Variants in HUWE1 observed in about 807,000 individuals in gnomAD.
The protein encoded by HUWE1 is HECT, UBA and WWE domain containing E3 ubiquitin protein ligase 1.
HUWE1 carries 18 observed loss-of-function variants against 299.4 expected under a neutral mutation model. The ratio of observed to expected loss-of-function variants is 0.06; its 90% confidence interval spans 0.04 to 0.09. The LOEUF (loss-of-function observed/expected upper bound fraction) is 0.09, where lower values mean the gene tolerates loss of function less well. Among genes scored for constraint, HUWE1 ranks in the 10% least tolerant of loss-of-function variants. The pLI, the probability that HUWE1 is intolerant of heterozygous loss-of-function variation, is 1.00. For missense variants in HUWE1, 1,832 were observed against 3,462.3 expected, an observed-to-expected ratio of 0.53 and a Z score of 11.82; for synonymous variants, 1,317 against 1,286.1, an observed-to-expected ratio of 1.02 and a Z score of -0.51.
At chrX:53,623,099 C>T (rs1305729764) in intron 19 of HUWE1, among the ~76,000 whole-genome samples, 4 of 111,169 alleles carry the variant, frequency 3.6e-5, no homozygotes, top group Non-Finnish European at 5.7e-5. Context: ...ATTTCCTGCC[C>T]GTGTCCCTCA....
intron 16 of HUWE1, 49 bp from the exon 17 acceptor site, chrX:53,627,564 T>TATA: frequency 2.9e-5 from 7 of 239,571 alleles, no homozygotes; most frequent in Non-Finnish European, 3.6e-5. Context: ...TATATATATA[T>TATA]TTTTTTTTTC....
At position 53,543,808 on chromosome X, in the gene HUWE1, A is replaced by G; in HGVS notation, c.11379+33T>C. The G allele has an allele frequency of 2.5e-6, 3 of 1,210,864 alleles. 1 individual carries two copies. In the Admixed American group the frequency reaches 6.5e-5, roughly 26 times the overall value. The stretch of plus-strand genomic sequence containing the variant: ...ATGGTGGGGGGATGAGTGGAGAGAC[A>G]AATGAATGAGGGGCCACAGGCATCA... On this transcript the variant is annotated intron_variant, in intron 73 of 83. Transcript: ENST00000262854.
In HUWE1 at chrX:53,595,176, C is replaced by T; in HGVS notation, c.3380+11G>A. On this transcript the variant is annotated intron_variant, in intron 30 of 83. Coordinates refer to ENST00000262854, the MANE Select transcript of HUWE1 (RefSeq NM_031407.7). ...AACTTTCTAGTCCCTGAATCTCAAG[C>T]TGAACTTCACCTGAATCGGGGAGTA... The T allele has an allele frequency of 8.4e-7, 1 of 1,184,996 alleles. No individual in the cohort carries two copies. The highest frequency in any genetic ancestry group is 1.1e-6 in the Non-Finnish European group (1 of 871,509).
At position 53,680,053 on chromosome X, in the gene HUWE1, A is replaced by C. The variant is rs1486634100; in HGVS notation, c.-29T>G. On this transcript the variant is annotated 5_prime_UTR_variant, in exon 3 of 84. The change creates a new upstream start codon in the 5' untranslated region. Coordinates refer to ENST00000262854, the MANE Select transcript of HUWE1 (RefSeq NM_031407.7). ...ACAAGATTTACAAAAACTAACCTAA[A>C]ATCACAGCCAATCATACTCATCCTG... 2.7e-5 allele frequency: 8 copies of C among 295,099 alleles called. No homozygotes were observed. Among genetic ancestry groups the C allele is most frequent in the Non-Finnish European group, 4.7e-5 (8 of 169,881 alleles). 24.3% of individuals were successfully genotyped at this position (295,099 alleles called of 1,213,427 possible). A position where few individuals can be genotyped will look rare whatever the true frequency, so the allele number is the denominator to read the frequency against.
chrX:53,566,650 C>G (rs1303004293), intron 49 of HUWE1, among the ~76,000 whole-genome samples: 1 of 111,388 alleles, frequency 9.0e-6, no homozygotes, highest in Non-Finnish European at 1.9e-5. Context: ...CAGGGTCCCA[C>G]TATGTTGCCC....
At chrX:53,628,967 G>T in intron 13 of HUWE1, 65 bp from the exon 14 acceptor site, 1 of 966,976 alleles carries the variant, frequency 1.0e-6, no homozygotes, top group Non-Finnish European at 1.5e-6. Context: ...CCAAGTTCCA[G>T]TTGCTAATAT....
chrX:53,577,705 G>A (rs1407882542), intron 43 of HUWE1, among the ~76,000 whole-genome samples: 10,005 of 73,270 alleles, frequency 0.14, no homozygotes, highest in East Asian at 0.2. Context: ...TTTTTTTTTG[G>A]TGGAGACGGG....
In HUWE1 at chrX:53,568,831, A is replaced by C; in HGVS notation, c.6568T>G (p.Cys2190Gly). 2 of 1,207,778 alleles carry C rather than the reference A, an allele frequency of 1.7e-6. No homozygotes were observed. The highest frequency in any genetic ancestry group is 2.2e-6 in the Non-Finnish European group (2 of 893,100). Residue 2190 changes from cysteine (C) to glycine (G), a missense_variant, in exon 49 of 84, where the codon TGC becomes GGC. This residue lies in a region of HUWE1 where 157 missense variants were observed against 252.3 expected (regional missense o/e 0.62). Coordinates refer to ENST00000262854, the MANE Select transcript of HUWE1 (RefSeq NM_031407.7). ...CTGTAGAAGCTGGAGGTGGAGGGGC[A>C]GGACTCCATGATAGTACTGATGATA... ...MCIISTIMES[C>G]PSTSSFYSSA...
At chrX:53,536,911 G>A (rs1261355204) in intron 78 of HUWE1, among the ~76,000 whole-genome samples, 1 of 112,206 alleles carries the variant, frequency 8.9e-6, no homozygotes, top group African/African-American at 3.2e-5. Context: ...AACACCAATA[G>A]GAAAGGTATC....
At position 53,609,398 on chromosome X, in the gene HUWE1, T is replaced by A. The variant is rs1041738110; in HGVS notation, c.2262-489A>T. The stretch of plus-strand genomic sequence containing the variant: ...TAGACAAAGAAACACTTAAACATCA[T>A]ACGATGTTTTTGCATCACGTTTAAA... On this transcript the variant is annotated intron_variant, in intron 23 of 83. Coordinates refer to ENST00000262854, the MANE Select transcript of HUWE1 (RefSeq NM_031407.7). 4.4e-5 allele frequency among the ~76,000 whole-genome samples: 5 copies of A among 112,420 alleles called. No individual in the cohort carries two copies. The Middle Eastern group carries it at 0.018, about 411-fold the overall frequency.
intron 17 of HUWE1, among the ~76,000 whole-genome samples, chrX:53,626,791 C>A (rs1557018134): frequency 9.0e-6 from 1 of 111,511 alleles, no homozygotes; most frequent in Non-Finnish European, 1.9e-5. Flanking sequence ...CTCAGCCTCC[C>A]AAGTAGCCGG....
At chrX:53,618,284 CAA>C (rs1280848039) in intron 19 of HUWE1, among the ~76,000 whole-genome samples, 5 of 109,087 alleles carry the variant, frequency 4.6e-5, no homozygotes, top group African/African-American at 1.3e-4. Flanking sequence ...AAATTAGAAA[CAA>C]GAGCAGTAAT....
intron 42 of HUWE1, 40 bp downstream of exon 42, chrX:53,583,518 A>C (rs1556969974): frequency 1.1e-6 from 1 of 936,194 alleles, no homozygotes; most frequent in East Asian, 3.1e-5. Flanking sequence ...CATAGGTATG[A>C]TGTAAAGCTA....
At chrX:53,608,700 T>G in intron 24 of HUWE1, 152 bp downstream of exon 24, 1 of 509,475 alleles carries the variant, frequency 2.0e-6, no homozygotes, top group Non-Finnish European at 3.6e-6. Context: ...CAAACCAGTC[T>G]AGAACAAAAA....
At chrX:53,666,342 TAATAAA>T (rs1557047578) in intron 3 of HUWE1, among the ~76,000 whole-genome samples, 1 of 111,670 alleles carries the variant, frequency 9.0e-6, no homozygotes, top group African/African-American at 3.3e-5. Flanking sequence ...GAACTTGCTT[TAATAAA>T]AATAGAGGGG....
intron 8 of HUWE1, 59 bp from the exon 9 acceptor site, chrX:53,632,623 TC>T: frequency 1.2e-6 from 1 of 858,671 alleles, no homozygotes; most frequent in Non-Finnish European, 1.7e-6. Context: ...ATAAACATTA[TC>T]CCCCACATCT....
At chrX:53,674,691 C>A (rs2069725331) in intron 3 of HUWE1, among the ~76,000 whole-genome samples, 1 of 111,852 alleles carries the variant, frequency 8.9e-6, no homozygotes, top group Admixed American at 9.5e-5. Flanking sequence ...ACATTTTGTT[C>A]ATTCCTCATA....
chrX:53,620,969 C>T (rs2066113160), intron 19 of HUWE1, among the ~76,000 whole-genome samples: 2 of 111,687 alleles, frequency 1.8e-5, no homozygotes, highest in African/African-American at 6.5e-5. Flanking sequence ...GGAGATCCCT[C>T]TTCATAGGAA....
At chrX:53,548,882 G>T in intron 67 of HUWE1, 77 bp downstream of exon 67, 1 of 857,076 alleles carries the variant, frequency 1.2e-6, no homozygotes, top group East Asian at 3.4e-5. Flanking sequence ...ACGCTAGCCT[G>T]CTTAGTGTTC....
Sources: allele counts gnomAD v4.1 joint callset (sites outside exome capture counted in the v4.1 genomes callset), GRCh38; gene constraint gnomAD v4.1.1; regional missense constraint gnomAD v4.1.1; transcripts MANE v1.5; gene names NCBI Gene and HGNC (gene_info 2026-07-23, HGNC 2026-07-21).